The following HPSE2 variants were observed in gnomAD, a reference collection of about 807,000 sequenced individuals.
HPSE2 encodes the protein inactive heparanase-2.
A neutral mutation model predicts 60.5 loss-of-function variants in HPSE2; 38 were observed. The observed-to-expected ratio is 0.63, with a 90% CI of 0.48 to 0.82. The LOEUF is 0.82. HPSE2 is among the 40% of genes least tolerant of loss of function. The probability of loss-of-function intolerance (pLI) is 0.00; values close to 1 mark genes in which losing one functional copy is unlikely to be tolerated. For synonymous variants in HPSE2, 295 were observed against 293.2 expected, an observed-to-expected ratio of 1.01 and a Z score of -0.06; for missense variants, 713 against 740.4, an observed-to-expected ratio of 0.96 and a Z score of 0.43.
At chr10:99,227,504 G>A (rs922295847) in intron 2 of HPSE2, among the ~76,000 whole-genome samples, 23 of 151,964 alleles carry the variant, frequency 1.5e-4, no homozygotes, top group Non-Finnish European at 3.1e-4. Flanking sequence ...CACAGATAAA[G>A]AGCACATGGT....
intron 3 of HPSE2, among the ~76,000 whole-genome samples, chr10:98,761,693 C>T (rs2134388656): frequency 6.6e-6 from 1 of 152,212 alleles, no homozygotes; most frequent in Middle Eastern, 3.4e-3. Context: ...GGACAGAATA[C>T]AAATGGCAAT....
At chr10:98,883,959 T>A (rs564142798) in intron 3 of HPSE2, among the ~76,000 whole-genome samples, 2 of 152,170 alleles carry the variant, frequency 1.3e-5, no homozygotes, top group Admixed American at 1.3e-4. Context: ...AGGCCTCTTA[T>A]ACCAAACAGT....
At chr10:99,117,162 C>T (rs1325674837) in intron 3 of HPSE2, among the ~76,000 whole-genome samples, 1 of 150,976 alleles carries the variant, frequency 6.6e-6, no homozygotes. Flanking sequence ...AACCAATACC[C>T]CAATTTAAAA....
intron 5 of HPSE2, among the ~76,000 whole-genome samples, chr10:98,708,434 C>A (rs192624918): frequency 6.9e-6 from 1 of 145,056 alleles, no homozygotes; most frequent in African/African-American, 2.6e-5. Context: ...CCAGCCTGGG[C>A]GACAGAGTGA....
rs538146141 is a variant in HPSE2 at position 98,529,771 on chromosome 10, T to C, written c.1321-39575A>G. Among the ~76,000 whole-genome samples the C allele has an allele frequency of 1.1e-4, 17 of 152,344 alleles. No homozygotes were observed. The South Asian group carries it at 2.9e-3, about 26-fold the overall frequency. On this transcript the variant is annotated intron_variant, in intron 9 of 11. Coordinates refer to ENST00000370552, the MANE Select transcript of HPSE2 (RefSeq NM_021828.5). The stretch of plus-strand genomic sequence containing the variant: ...CCAAATCTATGCATGATTGCCACTG[T>C]ACCCTTCTCTTTTCTCCTGCACAAA...
chr10:98,813,639 C>T (rs1318372642), intron 3 of HPSE2, among the ~76,000 whole-genome samples: 1 of 152,100 alleles, frequency 6.6e-6, no homozygotes, highest in African/African-American at 2.4e-5. Context: ...CCATTTTATC[C>T]CATGGGTTCC....
At chr10:99,165,797 C>T (rs1589760700) in intron 2 of HPSE2, among the ~76,000 whole-genome samples, 1 of 151,904 alleles carries the variant, frequency 6.6e-6, no homozygotes, top group East Asian at 1.9e-4. Context: ...CCACCTCAGC[C>T]TCCCAAAGTG....
At chr10:98,754,591 T>C (rs1414213743) in intron 3 of HPSE2, among the ~76,000 whole-genome samples, 8 of 151,256 alleles carry the variant, frequency 5.3e-5, no homozygotes, top group Admixed American at 1.3e-4. Flanking sequence ...AAAAAAAATA[T>C]TAAAAGCAGC....
intron 3 of HPSE2, among the ~76,000 whole-genome samples, chr10:98,848,278 C>T (rs1952080016): frequency 6.6e-6 from 1 of 152,088 alleles, no homozygotes; most frequent in South Asian, 2.1e-4. Context: ...ATTATCCAGG[C>T]ATGGTGGTAT....
intron 2 of HPSE2, among the ~76,000 whole-genome samples, chr10:99,162,445 G>T (rs1038737957): frequency 6.6e-6 from 1 of 152,168 alleles, no homozygotes; most frequent in Non-Finnish European, 1.5e-5. Context: ...AGACCTGAAA[G>T]AATGCTTTGG....
chr10:99,116,875 G>A (rs1477845946), intron 3 of HPSE2, among the ~76,000 whole-genome samples: 1 of 152,046 alleles, frequency 6.6e-6, no homozygotes, highest in African/African-American at 2.4e-5. Context: ...TATGGCTCAG[G>A]AACTGAAAGT....
intron 3 of HPSE2, among the ~76,000 whole-genome samples, chr10:98,996,117 T>C (rs947676548): frequency 6.6e-6 from 1 of 152,072 alleles, no homozygotes; most frequent in African/African-American, 2.4e-5. Flanking sequence ...TAAGGAAACT[T>C]AAATAAAATC....
rs564914113 is a variant in HPSE2 at position 99,012,217 on chromosome 10, G to C, written c.610+132021C>G. ...ATAATTTTAATCACAATTTATGATA[G>C]ACTGATTAATGGATTAAAAATTTAT... On this transcript the variant is annotated intron_variant, in intron 3 of 11. Transcript: ENST00000370552. Among the ~76,000 whole-genome samples the C allele has an allele frequency of 6.6e-5, 10 of 152,096 alleles. No homozygotes were observed. The South Asian group carries it at 1.9e-3, about 28-fold the overall frequency.
chr10:98,518,577 C>T (rs907671022), intron 9 of HPSE2, among the ~76,000 whole-genome samples: 1 of 151,890 alleles, frequency 6.6e-6, no homozygotes, highest in Non-Finnish European at 1.5e-5. Context: ...GCGTGGTGTG[C>T]GTGTCTGTAA....
At chr10:99,152,202 T>C (rs1345663603) in intron 2 of HPSE2, among the ~76,000 whole-genome samples, 2 of 151,620 alleles carry the variant, frequency 1.3e-5, no homozygotes, top group Non-Finnish European at 2.9e-5. Flanking sequence ...TCCCAGCTAC[T>C]TGGGAGGCTG....
chr10:98,877,020 T>C (rs1952895420), intron 3 of HPSE2, among the ~76,000 whole-genome samples: 1 of 151,900 alleles, frequency 6.6e-6, no homozygotes, highest in Non-Finnish European at 1.5e-5. Context: ...TAGGGCATGC[T>C]ATTGAATATT....
chr10:98,806,743 A>G (rs1951050558), intron 3 of HPSE2, among the ~76,000 whole-genome samples: 1 of 152,220 alleles, frequency 6.6e-6, no homozygotes, highest in African/African-American at 2.4e-5. Flanking sequence ...CATGTCTCTA[A>G]TTCTCATGAT....
Position 98,770,749 on chromosome 10 carries a change from C to T in HPSE2, c.611-26693G>A, listed in dbSNP as rs188339239. On this transcript the variant is annotated intron_variant, in intron 3 of 11. Coordinates refer to ENST00000370552, the MANE Select transcript of HPSE2 (RefSeq NM_021828.5). ...CCAATCAATCTCTGGAACATCTAAT[C>T]GTATCTTAGTGTCTGCTTCTTGGTA... 3.1e-3 allele frequency among the ~76,000 whole-genome samples: 468 copies of T among 152,198 alleles called. 2 individuals carry two copies. The highest frequency in any genetic ancestry group is 4.6e-3 in the Non-Finnish European group (313 of 68,012).
rs117877269 is a variant in HPSE2 at position 98,740,137 on chromosome 10, A to G, written c.784+3746T>C. On this transcript the variant is annotated intron_variant, in intron 4 of 11. Coordinates refer to ENST00000370552, the MANE Select transcript of HPSE2 (RefSeq NM_021828.5). ...TTGTAAAAAAGTATGGTGTCAAGAA[A>G]GTCATTTTTTTTTGTTTTGCTTTTG... Among the ~76,000 whole-genome samples the G allele has an allele frequency of 2.9e-3, 439 of 151,470 alleles. 1 individual carries two copies. The highest frequency in any genetic ancestry group is 5.2e-3 in the Non-Finnish European group (356 of 67,910).
Sources: gnomAD v4.1 joint callset for allele counts (sites outside exome capture counted in the v4.1 genomes callset) on GRCh38, gnomAD v4.1.1 for gene constraint, MANE v1.5 for transcripts, NCBI Gene and HGNC (gene_info 2026-07-23, HGNC 2026-07-21) for gene names.